Variants in ARL15 observed in about 807,000 individuals in gnomAD.
ARL15 encodes the protein ADP-ribosylation factor-like protein 15.
ARL15 carries 19 observed loss-of-function variants against 25.2 expected under a neutral mutation model. That is an observed-to-expected ratio of 0.75 (90% CI 0.53 to 1.10). The LOEUF (loss-of-function observed/expected upper bound fraction) is 1.10. ARL15 is among the 50% of genes least tolerant of loss of function. ARL15 has a pLI of 0.00. For synonymous variants in ARL15, 94 were observed against 86.8 expected, an observed-to-expected ratio of 1.08 and a Z score of -0.46; for missense variants, 220 against 246.0, an observed-to-expected ratio of 0.89 and a Z score of 0.71.
chr5:54,109,040 T>C (rs1230345093), intron 4 of ARL15, among the ~76,000 whole-genome samples: 1 of 152,034 alleles, frequency 6.6e-6, no homozygotes, highest in Non-Finnish European at 1.5e-5. Context: ...CGCATTTATA[T>C]CTTGTTTTTC....
intron 1 of ARL15, among the ~76,000 whole-genome samples, chr5:54,302,514 C>G (rs771762628): frequency 3.9e-5 from 6 of 152,040 alleles, no homozygotes; most frequent in Non-Finnish European, 8.8e-5. Context: ...AGACACTAGA[C>G]TAGATTCCAG....
At chr5:54,265,797 A>T (rs1331403828) in intron 1 of ARL15, among the ~76,000 whole-genome samples, 1 of 152,198 alleles carries the variant, frequency 6.6e-6, no homozygotes, top group Admixed American at 6.5e-5. Flanking sequence ...CCCTTAACAC[A>T]TTTTATAAAA....
At chr5:53,930,729 A>G (rs530375777) in intron 4 of ARL15, among the ~76,000 whole-genome samples, 1 of 152,288 alleles carries the variant, frequency 6.6e-6, no homozygotes, top group Non-Finnish European at 1.5e-5. Flanking sequence ...TTTTCTCTAC[A>G]TTATCCATCA....
chr5:54,215,304 A>T (rs190817071), intron 1 of ARL15, among the ~76,000 whole-genome samples: 2 of 152,122 alleles, frequency 1.3e-5, no homozygotes, highest in Non-Finnish European at 2.9e-5. Flanking sequence ...AATGTCAATG[A>T]CAGGAAGGCT....
chr5:54,019,767 G>A (rs1749536076), intron 4 of ARL15, among the ~76,000 whole-genome samples: 1 of 152,198 alleles, frequency 6.6e-6, no homozygotes, highest in Non-Finnish European at 1.5e-5. Context: ...GGAACAAAAA[G>A]TAATATTTAT....
At chr5:54,153,108 A>T (rs1754118119) in intron 3 of ARL15, among the ~76,000 whole-genome samples, 2 of 152,124 alleles carry the variant, frequency 1.3e-5, no homozygotes, top group African/African-American at 2.4e-5. Context: ...CATATTTAAA[A>T]CCCATATAAC....
intron 1 of ARL15, among the ~76,000 whole-genome samples, chr5:54,180,902 G>A (rs1755036758): frequency 6.6e-6 from 1 of 152,190 alleles, no homozygotes; most frequent in Admixed American, 6.5e-5. Flanking sequence ...TTGCAGAGGG[G>A]CAGACATCTG....
At chr5:54,140,410 G>GGATAGACA (rs1013979192) in intron 3 of ARL15, among the ~76,000 whole-genome samples, 1 of 142,520 alleles carries the variant, frequency 7.0e-6, no homozygotes, top group Non-Finnish European at 1.5e-5. Context: ...ATGCGTGTGT[G>GGATAGACA]GATAGACAGA....
chr5:54,014,560 G>A lies in ARL15; in HGVS notation c.462+98642C>T, dbSNP rs117228804. Among the ~76,000 whole-genome samples the A allele has an allele frequency of 1.0e-3, 155 of 150,316 alleles. 1 individual carries two copies. The East Asian group carries it at 0.026, about 26-fold the overall frequency. On this transcript the variant is annotated intron_variant, in intron 4 of 4. Transcript: ENST00000504924. The stretch of plus-strand genomic sequence containing the variant: ...TTTTGAGCTAGAGTCTTGCTCTGTC[G>A]CCTAGGCTGGAGTGAAGTGGCATGA...
intron 3 of ARL15, among the ~76,000 whole-genome samples, chr5:54,138,708 C>T (rs185883145): frequency 1.8e-4 from 27 of 151,822 alleles, no homozygotes; most frequent in South Asian, 6.3e-4. Flanking sequence ...TCTGCACAGC[C>T]GAAGAAATAA....
rs532248226 is a variant in ARL15, at chr5:54,025,905, G to T, written c.462+87297C>A. Among the ~76,000 whole-genome samples, 9 of 152,178 alleles carry T rather than the reference G, an allele frequency of 5.9e-5. 1 individual carries two copies. In the South Asian group the frequency reaches 1.9e-3, roughly 32 times the overall value. On this transcript the variant is annotated intron_variant, in intron 4 of 4. Coordinates refer to ENST00000504924, the MANE Select transcript of ARL15 (RefSeq NM_019087.3). ...ATCATAGGTATTGTTATTTCTTAAG[G>T]TGCCTCTTTGGGAGGAATATTAGAA...
intron 4 of ARL15, among the ~76,000 whole-genome samples, chr5:54,025,299 A>C (rs920781722): frequency 7.9e-5 from 12 of 152,084 alleles, no homozygotes; most frequent in Middle Eastern, 3.4e-3. Context: ...AAAAAAAAAA[A>C]AAAAAAAAGC....
chr5:54,268,775 T>C (rs1233555517), intron 1 of ARL15, among the ~76,000 whole-genome samples: 1 of 152,174 alleles, frequency 6.6e-6, no homozygotes, highest in African/African-American at 2.4e-5. Flanking sequence ...TGCACACATA[T>C]GTTTATGGCA....
intron 3 of ARL15, among the ~76,000 whole-genome samples, chr5:54,150,806 A>T (rs939603889): frequency 1.7e-4 from 26 of 151,616 alleles, no homozygotes; most frequent in African/African-American, 6.0e-4. Context: ...TCAAAAATAA[A>T]TAAATAAAAA....
chr5:54,064,019 T>C (rs1236657771), intron 4 of ARL15, among the ~76,000 whole-genome samples: 1 of 152,190 alleles, frequency 6.6e-6, no homozygotes, highest in African/African-American at 2.4e-5. Flanking sequence ...GGTTTGAGTT[T>C]TCCTACCATT....
chr5:53,919,228 G>A (rs2112010031), intron 4 of ARL15, among the ~76,000 whole-genome samples: 1 of 152,328 alleles, frequency 6.6e-6, no homozygotes, highest in East Asian at 1.9e-4. Context: ...CGAGGTGTGT[G>A]CCAAAGGTGT....
At chr5:53,915,739 A>G (rs899909557) in intron 4 of ARL15, among the ~76,000 whole-genome samples, 2 of 152,152 alleles carry the variant, frequency 1.3e-5, no homozygotes, top group African/African-American at 4.8e-5. Flanking sequence ...TGTCAAATTT[A>G]CCCTTTTTCT....
At chr5:54,055,352 C>CTTTT (rs147040538) in intron 4 of ARL15, among the ~76,000 whole-genome samples, 2 of 55,330 alleles carry the variant, frequency 3.6e-5, no homozygotes, top group Non-Finnish European at 3.1e-5. Flanking sequence ...ATCATCATTC[C>CTTTT]TTTTTTTTTT....
chr5:54,103,377 GGT>G (rs1752497348), intron 4 of ARL15, among the ~76,000 whole-genome samples: 1 of 152,106 alleles, frequency 6.6e-6, no homozygotes, highest in East Asian at 1.9e-4. Flanking sequence ...TGGTATTGAA[GGT>G]GTGCCTCATA....
Sources: gnomAD v4.1 joint callset for allele counts (sites outside exome capture counted in the v4.1 genomes callset) on GRCh38, gnomAD v4.1.1 for gene constraint, MANE v1.5 for transcripts, NCBI Gene and HGNC (gene_info 2026-07-23, HGNC 2026-07-21) for gene names.